INPP5B: variants seen among roughly 807,000 people sequenced by gnomAD.
INPP5B encodes the protein type II inositol 1,4,5-trisphosphate 5-phosphatase.
Under a neutral mutation model 118.5 loss-of-function variants are expected in INPP5B, and 90 were observed. The ratio of observed to expected loss-of-function variants is 0.76; its 90% CI spans 0.64 to 0.90. The LOEUF (loss-of-function observed/expected upper bound fraction) is 0.90, where lower values mean the gene tolerates loss of function less well. Among genes scored for constraint, INPP5B ranks in the 40% least tolerant of loss-of-function variants. The probability of loss-of-function intolerance (pLI) is 0.00; values close to 1 mark genes in which losing one functional copy is unlikely to be tolerated. For synonymous variants in INPP5B, 385 were observed against 418.9 expected (o/e 0.92, Z 0.99); for missense variants, 984 against 1,125.6 (o/e 0.87, Z 1.80).
intron 15 of INPP5B, among the ~76,000 whole-genome samples, 180 bp downstream of exon 15, chr1:37,879,905 T>C (rs1318894651): frequency 6.6e-6 from 1 of 152,194 alleles, no homozygotes; most frequent in Non-Finnish European, 1.5e-5. Context: ...ACAAAGTTAA[T>C]ACATGGGAAA....
chr1:37,916,285 G>T (rs889410898), intron 7 of INPP5B, among the ~76,000 whole-genome samples: 45 of 151,694 alleles, frequency 3.0e-4, no homozygotes, highest in African/African-American at 1.0e-3. Context: ...GTAGAGATGG[G>T]GTTTTGCCAT....
intron 7 of INPP5B, among the ~76,000 whole-genome samples, chr1:37,913,186 G>A (rs946737172): frequency 1.3e-5 from 2 of 152,186 alleles, no homozygotes; most frequent in African/African-American, 2.4e-5. Context: ...GAACCCGGAA[G>A]GCGGAGCTTG....
intron 7 of INPP5B, chr1:37,931,413 T>C (rs1207779182): frequency 1.0e-5 from 15 of 1,495,310 alleles, no homozygotes; most frequent in Non-Finnish European, 1.3e-5. Flanking sequence ...ACACAGCGAG[T>C]TCGGAACGGA....
rs1026440112 is a variant in INPP5B, at chr1:37,898,331, CAAAAG to C, written c.533-6882_533-6878del. Among the ~76,000 whole-genome samples the C allele has an allele frequency of 5.3e-5, 8 of 152,136 alleles. 1 individual carries two copies. The highest frequency in any genetic ancestry group is 1.7e-4 in the African/African-American group (7 of 41,516). On this transcript the variant is annotated intron_variant, in intron 7 of 23. Coordinates refer to ENST00000373024, the MANE Select transcript of INPP5B (RefSeq NM_005540.3). ...CTTTTTAGGACAGCAAAACTATACT[CAAAAG>C]AAACTATAATGGTGATACATGGTAG...
At chr1:37,873,224 G>C (rs1425798455) in intron 18 of INPP5B, 59 bp from the exon 19 acceptor site, 1 of 1,210,400 alleles carries the variant, frequency 8.3e-7, no homozygotes, top group Non-Finnish European at 1.2e-6. Context: ...AAAGGGGAAA[G>C]AAGGCAGGAG....
chr1:37,878,187 C>T lies in INPP5B; in HGVS notation c.1677+1G>A. The T allele has an allele frequency of 6.2e-7, 1 of 1,613,946 alleles. No individual in the cohort carries two copies. Among genetic ancestry groups the T allele is most frequent in the Non-Finnish European group, 8.5e-7 (1 of 1,179,908 alleles). ...TACAACAGGTACCAGCTGCCACCTA[C>T]CCCGATGTCAAACACTGAGCTGACA... On this transcript the variant is annotated splice_donor_variant, in intron 16 of 23. Transcript: ENST00000373024. LOFTEE classifies it high-confidence loss of function.
chr1:37,876,749 G>A (rs1445656211), intron 16 of INPP5B, among the ~76,000 whole-genome samples: 1 of 150,522 alleles, frequency 6.6e-6, no homozygotes, highest in Non-Finnish European at 1.5e-5. Flanking sequence ...GGTGGCGGGC[G>A]CCTGCCTGTA....
intron 6 of INPP5B, among the ~76,000 whole-genome samples, chr1:37,936,265 C>T (rs1032405054): frequency 5.9e-5 from 9 of 152,070 alleles, no homozygotes; most frequent in African/African-American, 2.2e-4. Context: ...ACTGCCAAGC[C>T]CTTTTCCTCC....
In INPP5B at chr1:37,943,826, G is replaced by T. The variant is rs761860470; in HGVS notation, c.220C>A (p.Pro74Thr). Residue 74 changes from proline to threonine, a missense_variant, in exon 4 of 24, where the codon CCA becomes ACA. Pro to Thr is a conservative substitution (Grantham distance 38). Coordinates refer to ENST00000373024, the MANE Select transcript of INPP5B (RefSeq NM_005540.3). ...GDDVSLDQIV[P>T]VSRDFTLEEV... ...TCCAGCGTAAAATCCCGCGAGACTG[G>T]CACTATCTGGTCCAGAGAGACATCG... The T allele has an allele frequency of 1.9e-6, 3 of 1,614,076 alleles. No individual in the cohort carries two copies. Among genetic ancestry groups the T allele is most frequent in the Non-Finnish European group, 2.5e-6 (3 of 1,179,968 alleles).
chr1:37,896,271 GC>G (rs1644055573), intron 7 of INPP5B, among the ~76,000 whole-genome samples: 1 of 147,230 alleles, frequency 6.8e-6, no homozygotes, highest in South Asian at 2.2e-4. Flanking sequence ...GAGCCCCTCC[GC>G]CCGGCAGCCG....
At chr1:37,902,795 C>T (rs1274553482) in intron 7 of INPP5B, among the ~76,000 whole-genome samples, 2 of 151,976 alleles carry the variant, frequency 1.3e-5, no homozygotes, top group East Asian at 1.9e-4. Flanking sequence ...CGACCTCAGG[C>T]GATCGACCCA....
chr1:37,943,332 C>T (rs990740693), intron 5 of INPP5B, among the ~76,000 whole-genome samples: 2 of 152,038 alleles, frequency 1.3e-5, no homozygotes, highest in Non-Finnish European at 2.9e-5. Flanking sequence ...AAGAGAAATG[C>T]ATGAATGGAA....
Position 37,916,519 on chromosome 1 carries a change from C to T in INPP5B, c.532+15394G>A, listed in dbSNP as rs143867224. 2.4e-3 allele frequency among the ~76,000 whole-genome samples: 359 copies of T among 151,906 alleles called. 1 individual carries two copies. Among genetic ancestry groups the T allele is most frequent in the African/African-American group, 8.2e-3 (339 of 41,438 alleles). On this transcript the variant is annotated intron_variant, in intron 7 of 23. Coordinates refer to ENST00000373024, the MANE Select transcript of INPP5B (RefSeq NM_005540.3). ...ACAACCTCTGCCTCCCCGGTTCAAG[C>T]GATTCTCTTGCCTCAGCCTCCCGAG...
At chr1:37,891,954 T>C (rs1239998591) in intron 7 of INPP5B, among the ~76,000 whole-genome samples, 1 of 152,186 alleles carries the variant, frequency 6.6e-6, no homozygotes, top group African/African-American at 2.4e-5. Flanking sequence ...GAAAAAAGTA[T>C]CTCATCCAGG....
Position 37,878,109 on chromosome 1 carries a change from C to G in INPP5B, c.1677+79G>C, listed in dbSNP as rs560261250. Reference sequence around the variant, plus strand: ...CCCTCTCAAAAGGAGAGGAAGAAACCAGAAAGACAAGAAATGGTCTTAGTT... The same window carrying G: ...CCCTCTCAAAAGGAGAGGAAGAAACGAGAAAGACAAGAAATGGTCTTAGTT... On this transcript the variant is annotated intron_variant, in intron 16 of 23. Coordinates refer to ENST00000373024, the MANE Select transcript of INPP5B (RefSeq NM_005540.3). 2.0e-6 allele frequency: 3 copies of G among 1,516,186 alleles called. No homozygotes were observed. The South Asian group carries it at 3.7e-5, about 19-fold the overall frequency. The allele number at this position is 1,516,186 out of a possible 1,614,324, so 93.9% of individuals were successfully genotyped here.
chr1:37,930,480 T>G (rs942621429), intron 7 of INPP5B: 1 of 152,320 alleles, frequency 6.6e-6, no homozygotes, highest in Admixed American at 6.5e-5. Flanking sequence ...CCATTGGCCT[T>G]GTCCTCCGCC....
Position 37,862,002 on chromosome 1 carries a change from C to A in INPP5B, c.*313G>T. 4.6e-6 allele frequency: 1 copy of A among 216,894 alleles called. No individual in the cohort carries two copies. The highest frequency in any genetic ancestry group is 9.3e-6 in the Non-Finnish European group (1 of 107,854). 13.4% of individuals were successfully genotyped at this position (216,894 alleles called of 1,614,324 possible). A position where few individuals can be genotyped will look rare whatever the true frequency, so the allele number is the denominator to read the frequency against. On this transcript the variant is annotated 3_prime_UTR_variant, in exon 24 of 24. Transcript: ENST00000373024. The stretch of plus-strand genomic sequence containing the variant: ...AGTGAGCCGAGATCGTGCCACCGCA[C>A]TCCACCCTGCGCGACAGAGCAAAAC...
chr1:37,913,346 T>TA (rs71278741), intron 7 of INPP5B, among the ~76,000 whole-genome samples: 1 of 151,852 alleles, frequency 6.6e-6, no homozygotes, highest in East Asian at 1.9e-4. Flanking sequence ...TATGACAACA[T>TA]AAAAAAACTC....
chr1:37,912,166 A>G (rs1644722553), intron 7 of INPP5B, among the ~76,000 whole-genome samples: 1 of 152,176 alleles, frequency 6.6e-6, no homozygotes, highest in East Asian at 1.9e-4. Context: ...CCCTAGCTGG[A>G]TGATCAGTTC....
Sources: gnomAD v4.1 joint callset for allele counts (sites outside exome capture counted in the v4.1 genomes callset) on GRCh38, gnomAD v4.1.1 for gene constraint, MANE v1.5 for transcripts, NCBI Gene and HGNC (gene_info 2026-07-23, HGNC 2026-07-21) for gene names.